Variants in ZNF891 observed in about 807,000 individuals in gnomAD.
ZNF891 encodes zinc finger protein 891.
For synonymous variants in ZNF891, 199 were observed against 209.0 expected, an observed-to-expected ratio of 0.95 and a Z score of 0.41; for missense variants, 589 against 632.7, an observed-to-expected ratio of 0.93 and a Z score of 0.74.
Position 133,105,953 on chromosome 12 carries a change from T to C in ZNF891, c.*14331A>G, listed in dbSNP as rs1275481688. ...TGAGTGTAAGGACTGTAATAAAACATTCAGTTACCTTTCATTTCTTATTGA... is the reference window on the plus strand; with the variant it reads ...TGAGTGTAAGGACTGTAATAAAACACTCAGTTACCTTTCATTTCTTATTGA... On this transcript the variant is annotated 3_prime_UTR_variant, in exon 2 of 2. Transcript: ENST00000537226. 1.2e-6 allele frequency: 2 copies of C among 1,613,958 alleles called. No individual in the cohort carries two copies. The highest frequency in any genetic ancestry group is 1.7e-6 in the Non-Finnish European group (2 of 1,180,016).
In ZNF891 at chr12:133,124,754, T is replaced by C. The variant is rs542907829; in HGVS notation, c.-106-2730A>G. On this transcript the variant is annotated intron_variant, in intron 1 of 1. Coordinates refer to ENST00000537226, the MANE Select transcript of ZNF891 (RefSeq NM_001277291.2). Reference sequence around the variant, plus strand: ...TGAGAGCAATATAAAAGGCCTTTTATATTGCTCTCAGTCTTTAGCATACGA... The same window carrying C: ...TGAGAGCAATATAAAAGGCCTTTTACATTGCTCTCAGTCTTTAGCATACGA... 5.5e-5 allele frequency among the ~76,000 whole-genome samples: 8 copies of C among 145,402 alleles called. No individual in the cohort carries two copies. In the East Asian group the frequency reaches 1.5e-3, roughly 27 times the overall value.
intron 1 of ZNF891, among the ~76,000 whole-genome samples, chr12:133,127,335 A>G (rs1955827783): frequency 6.6e-6 from 1 of 152,200 alleles, no homozygotes; most frequent in African/African-American, 2.4e-5. Flanking sequence ...ATTTCTTTAA[A>G]TAATTAGAAC....
rs1955717896 is a variant in ZNF891 at position 133,116,881 on chromosome 12, A to G, written c.*3403T>C. The stretch of plus-strand genomic sequence containing the variant: ...GGGGGCTTATTCTCATGTATTCCAC[A>G]TATCCACAGGTTGGAAGTGGGATCA... On this transcript the variant is annotated 3_prime_UTR_variant, in exon 2 of 2. Transcript: ENST00000537226. 1 of 152,220 alleles carries G rather than the reference A, an allele frequency of 6.6e-6. No individual in the cohort carries two copies. The highest frequency in any genetic ancestry group is 2.1e-4 in the South Asian group (1 of 4,826). 9.4% of individuals were successfully genotyped at this position (152,220 alleles called of 1,614,324 possible).
chr12:133,127,298 C>T (rs1955827545), intron 1 of ZNF891, among the ~76,000 whole-genome samples: 1 of 152,164 alleles, frequency 6.6e-6, no homozygotes, highest in South Asian at 2.1e-4. Flanking sequence ...AACACAGTAT[C>T]TAAGAACTGA....
Position 133,110,284 on chromosome 12 carries a change from A to C in ZNF891, c.*10000T>G, listed in dbSNP as rs940899019. On this transcript the variant is annotated 3_prime_UTR_variant, in exon 2 of 2. Coordinates refer to ENST00000537226, the MANE Select transcript of ZNF891 (RefSeq NM_001277291.2). Reference sequence around the variant, plus strand: ...ATATTGCAAAAGTAGTAAAAGTATTAATTTGGCTCTCATGATCTGGGGACT... The same window carrying C: ...ATATTGCAAAAGTAGTAAAAGTATTCATTTGGCTCTCATGATCTGGGGACT... 1 of 152,190 alleles carries C rather than the reference A, an allele frequency of 6.6e-6. No individual in the cohort carries two copies. Among genetic ancestry groups the C allele is most frequent in the Admixed American group, 6.5e-5 (1 of 15,288 alleles). 9.4% of individuals were successfully genotyped at this position (152,190 alleles called of 1,614,324 possible).
rs990676142 is a variant in ZNF891, at chr12:133,114,955, T to G, written c.*5329A>C. On this transcript the variant is annotated 3_prime_UTR_variant, in exon 2 of 2. Coordinates refer to ENST00000537226, the MANE Select transcript of ZNF891 (RefSeq NM_001277291.2). ...GAACAGTTGATAGGAAAGCACAATA[T>G]ATAAACAATATTATTGATTGCAGTA... The G allele has an allele frequency of 6.6e-6, 1 of 152,174 alleles. No individual in the cohort carries two copies. The highest frequency in any genetic ancestry group is 2.4e-5 in the African/African-American group (1 of 41,432). 9.4% of individuals were successfully genotyped at this position (152,174 alleles called of 1,614,324 possible).
Position 133,116,539 on chromosome 12 carries a change from T to C in ZNF891, c.*3745A>G, listed in dbSNP as rs1487534803. On this transcript the variant is annotated 3_prime_UTR_variant, in exon 2 of 2. Transcript: ENST00000537226. ...ACAAATGAATCCCAGTAGACCTAAA[T>C]ACCCATCATCTTCTTACAGACTGCT... is the stretch of plus-strand genomic sequence containing the variant. 1 of 152,198 alleles carries C rather than the reference T, an allele frequency of 6.6e-6. No homozygotes were observed. The highest frequency in any genetic ancestry group is 2.4e-5 in the African/African-American group (1 of 41,442). The allele number at this position is 152,198 out of a possible 1,614,324, so 9.4% of individuals were successfully genotyped here.
At position 133,105,853 on chromosome 12, in the gene ZNF891, G is replaced by A; in HGVS notation, c.*14431C>T. 5 of 1,614,092 alleles carry A rather than the reference G, an allele frequency of 3.1e-6. No homozygotes were observed. In the South Asian group the frequency reaches 4.4e-5, roughly 14 times the overall value. On this transcript the variant is annotated 3_prime_UTR_variant, in exon 2 of 2. Transcript: ENST00000537226. ...CTGGAGAGAAACCATATGCATGTAA[G>A]GAATGTGGCAAAACCTTTAGCCAGA...
intron 1 of ZNF891, among the ~76,000 whole-genome samples, chr12:133,129,370 T>C (rs1030815704): frequency 6.6e-6 from 1 of 151,758 alleles, no homozygotes; most frequent in Admixed American, 6.6e-5. Context: ...GCGTGGTGGC[T>C]CATGTCTGTA....
At position 133,113,068 on chromosome 12, in the gene ZNF891, A is replaced by G. The variant is rs1955695050; in HGVS notation, c.*7216T>C. 1 of 148,026 alleles carries G rather than the reference A, an allele frequency of 6.8e-6. No individual in the cohort carries two copies. 9.2% of individuals were successfully genotyped at this position (148,026 alleles called of 1,614,324 possible). On this transcript the variant is annotated 3_prime_UTR_variant, in exon 2 of 2. Coordinates refer to ENST00000537226, the MANE Select transcript of ZNF891 (RefSeq NM_001277291.2). Reference sequence around the variant, plus strand: ...AGCAAGACTCTGTCTCAAAAAATATATATATATATATTTATATTTATTTAT... The same window carrying G: ...AGCAAGACTCTGTCTCAAAAAATATGTATATATATATTTATATTTATTTAT...
chr12:133,113,208 T>G lies in ZNF891; in HGVS notation c.*7076A>C, dbSNP rs898261347. On this transcript the variant is annotated 3_prime_UTR_variant, in exon 2 of 2. Coordinates refer to ENST00000537226, the MANE Select transcript of ZNF891 (RefSeq NM_001277291.2). ...CAACAGCCTAAGCAAATTATTTACT[T>G]TACAACTTTGAAGATATTAAAATCA... 6.6e-6 allele frequency: 1 copy of G among 151,448 alleles called. No individual in the cohort carries two copies. Among genetic ancestry groups the G allele is most frequent in the Admixed American group, 6.6e-5 (1 of 15,200 alleles). 9.4% of individuals were successfully genotyped at this position (151,448 alleles called of 1,614,324 possible).
intron 1 of ZNF891, among the ~76,000 whole-genome samples, chr12:133,125,048 T>C (rs1321380507): frequency 6.6e-6 from 1 of 152,118 alleles, no homozygotes; most frequent in Non-Finnish European, 1.5e-5. Context: ...GAGACATAAT[T>C]TTTCTATGGA....
In ZNF891 at chr12:133,121,689, C is replaced by A. The variant is rs1314943742; in HGVS notation, c.230G>T (p.Arg77Ile). ...LYRDVMLENY[R>I]NLTSVEYQLY... ...CTGATATTCCACGGAGGTGAGATTT[C>A]TATAGTTTTCCAACATCACATCTCT... Residue 77 changes from arginine to isoleucine, a missense_variant, in exon 2 of 2, where the codon AGA (arginine) becomes ATA (isoleucine). Transcript: ENST00000537226. 1 of 1,536,448 alleles carries A rather than the reference C, an allele frequency of 6.5e-7. No individual in the cohort carries two copies. Among genetic ancestry groups the A allele is most frequent in the South Asian group, 1.2e-5 (1 of 84,050 alleles).
Position 133,120,291 on chromosome 12 carries a change from G to A in ZNF891, c.1628C>T (p.Thr543Ile). Reference sequence around the variant, plus strand: ...ATTCCACATTCATAACACTTACAGGGTTTCTCTCTCAGTATGAATTCTCTT... The same window carrying A: ...ATTCCACATTCATAACACTTACAGGATTTCTCTCTCAGTATGAATTCTCTT... ...IHKRIHTERE[T>I]L Residue 543 changes from threonine to isoleucine, a missense_variant, in exon 2 of 2, where the codon ACC (threonine) becomes ATC (isoleucine). Physicochemically the swap from Thr to Ile is moderately conservative, Grantham distance 89. Transcript: ENST00000537226. 1.3e-6 allele frequency: 2 copies of A among 1,532,532 alleles called. No individual in the cohort carries two copies. The highest frequency in any genetic ancestry group is 2.4e-5 in the South Asian group (2 of 83,738). 94.9% of individuals were successfully genotyped at this position (1,532,532 alleles called of 1,614,324 possible).
chr12:133,118,610 T>C lies in ZNF891; in HGVS notation c.*1674A>G, dbSNP rs913641991. The C allele has an allele frequency of 3.9e-5, 6 of 152,218 alleles. No individual in the cohort carries two copies. The highest frequency in any genetic ancestry group is 7.2e-5 in the African/African-American group (3 of 41,460). 9.4% of individuals were successfully genotyped at this position (152,218 alleles called of 1,614,324 possible). On this transcript the variant is annotated 3_prime_UTR_variant, in exon 2 of 2. Transcript: ENST00000537226. ...ACTAATCTGGTCAGTATCTGCAAGA[T>C]CAAGCAGCAAAATCTCATGCTTTAC...
At chr12:133,129,597 C>A (rs1955854310) in intron 1 of ZNF891, among the ~76,000 whole-genome samples, 1 of 150,208 alleles carries the variant, frequency 6.7e-6, no homozygotes, top group South Asian at 2.1e-4. Flanking sequence ...GGGCGGGGGG[C>A]GGTGAGGGGT....
Position 133,107,152 on chromosome 12 carries a change from A to G in ZNF891, c.*13132T>C, listed in dbSNP as rs891309688. The G allele has an allele frequency of 6.5e-6, 1 of 152,796 alleles. No individual in the cohort carries two copies. The highest frequency in any genetic ancestry group is 2.4e-5 in the African/African-American group (1 of 41,474). The allele number at this position is 152,796 out of a possible 1,614,324, so 9.5% of individuals were successfully genotyped here. A position where few individuals can be genotyped will look rare whatever the true frequency, so the allele number is the denominator to read the frequency against. On this transcript the variant is annotated 3_prime_UTR_variant, in exon 2 of 2. Transcript: ENST00000537226. ...TGATTTGGGAATGCCTTCATTTACA[A>G]TGCAATACTTACATTTTAATACTCT...
At position 133,107,877 on chromosome 12, in the gene ZNF891, G is replaced by A. The variant is rs1348133932; in HGVS notation, c.*12407C>T. On this transcript the variant is annotated 3_prime_UTR_variant, in exon 2 of 2. Transcript: ENST00000537226. ...GAATATGAATAGGAATGAATTTAGT[G>A]AGCATTAATGTAATGGCTGCATTGA... is the stretch of plus-strand genomic sequence containing the variant. 1 of 152,196 alleles carries A rather than the reference G, an allele frequency of 6.6e-6. No homozygotes were observed. The highest frequency in any genetic ancestry group is 1.5e-5 in the Non-Finnish European group (1 of 68,030). The allele number at this position is 152,196 out of a possible 1,614,324, so 9.4% of individuals were successfully genotyped here. A position where few individuals can be genotyped will look rare whatever the true frequency, so the allele number is the denominator to read the frequency against.
chr12:133,121,715 G>A lies in ZNF891; in HGVS notation c.204C>T (p.Tyr68=), dbSNP rs1200108496. Residue 68 remains tyrosine (Y), a synonymous_variant, in exon 2 of 2, where the codon TAC becomes TAT. Coordinates refer to ENST00000537226, the MANE Select transcript of ZNF891 (RefSeq NM_001277291.2). The stretch of plus-strand genomic sequence containing the variant: ...TATAGTTTTCCAACATCACATCTCT[G>A]TACAGACTTCTTTGAGCAGAATCCA... ...MMLDSAQRSL[Y]RDVMLENYRN... The A allele has an allele frequency of 6.5e-7, 1 of 1,536,546 alleles. No homozygotes were observed. The highest frequency in any genetic ancestry group is 8.7e-7 in the Non-Finnish European group (1 of 1,146,950).
Sources: allele counts gnomAD v4.1 joint callset (sites outside exome capture counted in the v4.1 genomes callset), GRCh38; gene constraint gnomAD v4.1.1; transcripts MANE v1.5; gene names NCBI Gene and HGNC (gene_info 2026-07-23, HGNC 2026-07-21).